The following CAST variants were observed in gnomAD, a reference collection of about 807,000 sequenced individuals.
CAST encodes MIR583 host.
In CAST, 76 loss-of-function variants were observed where a neutral mutation model predicts 119.6. The ratio of observed to expected loss-of-function variants is 0.64; its 90% CI spans 0.53 to 0.77. The LOEUF (loss-of-function observed/expected upper bound fraction) is 0.77, where lower values mean the gene tolerates loss of function less well. Among genes scored for constraint, CAST ranks in the 30% least tolerant of loss-of-function variants. The pLI is 0.00. For synonymous variants in CAST, 319 were observed against 331.6 expected (o/e 0.96, Z 0.41); for missense variants, 953 against 946.5 (o/e 1.01, Z -0.09).
At chr5:96,434,419 G>A in the CAST span, among the ~76,000 whole-genome samples, 2 of 152,188 alleles carry the variant, frequency 1.3e-5, no homozygotes, top group Non-Finnish European at 2.9e-5. Flanking sequence ...GCACCAAGCT[G>A]TTTTCCTTTT....
At position 96,530,466 on chromosome 5, in the gene CAST, A is replaced by G. The variant is rs151249446; in HGVS notation, c.60+586A>G. Among the ~76,000 whole-genome samples, 58 of 152,352 alleles carry G rather than the reference A, an allele frequency of 3.8e-4. 1 individual carries two copies. In the East Asian group the frequency reaches 0.01, roughly 27 times the overall value. On this transcript the variant is annotated intron_variant, in intron 1 of 11. Coordinates refer to the CAST transcript ENST00000505143. ...AAACATTGAAGTGGAAATGTCAAGT[A>G]GGCAATTGGATAAAGAGTCTGGAGT... is the stretch of plus-strand genomic sequence containing the variant.
the CAST span, among the ~76,000 whole-genome samples, chr5:96,515,223 G>T: frequency 2.0e-5 from 3 of 152,044 alleles, no homozygotes; most frequent in East Asian, 1.9e-4. Flanking sequence ...AGCTGATTTT[G>T]TCAACAGGAA....
At chr5:96,372,181 T>A in the CAST span, among the ~76,000 whole-genome samples, 1 of 152,250 alleles carries the variant, frequency 6.6e-6, no homozygotes, top group Non-Finnish European at 1.5e-5. Context: ...AACCCAGGTT[T>A]ATGGGCTGCT....
the CAST span, among the ~76,000 whole-genome samples, chr5:96,416,619 C>T: frequency 2.0e-4 from 30 of 152,156 alleles, no homozygotes; most frequent in African/African-American, 6.8e-4. Context: ...TATCCTAGAA[C>T]AAGTCCCCTA....
At chr5:96,411,241 C>T in the CAST span, among the ~76,000 whole-genome samples, 1 of 152,220 alleles carries the variant, frequency 6.6e-6, no homozygotes, top group Non-Finnish European at 1.5e-5. Context: ...CTTTCTTATG[C>T]AGATTCATAA....
chr5:96,485,965 G>A, the CAST span, among the ~76,000 whole-genome samples: 1 of 152,012 alleles, frequency 6.6e-6, no homozygotes, highest in Non-Finnish European at 1.5e-5. Context: ...ATTGTACCTA[G>A]AGACAACTAC....
intron 2 of CAST, among the ~76,000 whole-genome samples, chr5:96,680,126 G>A (rs987339752): frequency 2.6e-5 from 4 of 151,398 alleles, no homozygotes; most frequent in East Asian, 1.9e-4. Context: ...TGAGGTGGGC[G>A]GATCACAAGG....
At chr5:96,306,404 G>A in the CAST span, among the ~76,000 whole-genome samples, 1 of 151,926 alleles carries the variant, frequency 6.6e-6, no homozygotes, top group South Asian at 2.1e-4. Context: ...CCAACTCCTG[G>A]CCTCACTGAC....
At chr5:96,251,730 A>C in the CAST span, among the ~76,000 whole-genome samples, 1 of 152,130 alleles carries the variant, frequency 6.6e-6, no homozygotes. Flanking sequence ...AAAAGCAATC[A>C]AGGGCCTTGT....
At chr5:96,676,887 T>A (rs935875567) in intron 2 of CAST, among the ~76,000 whole-genome samples, 3 of 151,810 alleles carry the variant, frequency 2.0e-5, no homozygotes, top group Non-Finnish European at 4.4e-5. Flanking sequence ...ACCCCTTCTC[T>A]GCTAAAAATA....
rs34422354 is a variant in CAST at position 96,609,090 on chromosome 5, A to T, written c.61-66449A>T. On this transcript the variant is annotated intron_variant, in intron 1 of 11. Transcript: ENST00000505143. ...AGAAACAGCCTGTCCAGCCTCAGAC[A>T]GACATCACCCTTCTTATTGATCCTT... Among the ~76,000 whole-genome samples, 532 of 152,354 alleles carry T rather than the reference A, an allele frequency of 3.5e-3. 2 individuals are homozygous for T. Among genetic ancestry groups the T allele is most frequent in the South Asian group, 0.016 (75 of 4,828 alleles).
the CAST span, among the ~76,000 whole-genome samples, chr5:96,101,583 A>G: frequency 3.3e-4 from 50 of 152,172 alleles, 2 homozygotes; most frequent in Admixed American, 2.9e-3. Context: ...CACCACCTGT[A>G]CTATTGTTGT....
chr5:96,087,325 C>T, the CAST span, among the ~76,000 whole-genome samples: 2 of 152,176 alleles, frequency 1.3e-5, no homozygotes, highest in African/African-American at 2.4e-5. Flanking sequence ...ATTTTTTACA[C>T]ATTCCACCTA....
the CAST span, among the ~76,000 whole-genome samples, chr5:96,149,275 G>T: frequency 1.3e-5 from 2 of 152,134 alleles, no homozygotes; most frequent in Non-Finnish European, 2.9e-5. Flanking sequence ...GCTGGAGGCC[G>T]AACTCTAAAA....
intron 1 of CAST, among the ~76,000 whole-genome samples, chr5:96,625,766 G>A (rs1013403222): frequency 5.9e-5 from 9 of 152,296 alleles, no homozygotes; most frequent in African/African-American, 1.4e-4. Flanking sequence ...TTGCAGCTTC[G>A]TTGGATGCAC....
chr5:96,642,272 A>G lies in CAST; in HGVS notation c.61-33267A>G, dbSNP rs140334659. The stretch of plus-strand genomic sequence containing the variant: ...GAAAAGGATCATTTCAATCTTATTC[A>G]CAGAACTTGAGATAATGCATGGTAC... On this transcript the variant is annotated intron_variant, in intron 1 of 11. Coordinates refer to the CAST transcript ENST00000505143. 2.7e-3 allele frequency among the ~76,000 whole-genome samples: 409 copies of G among 152,340 alleles called. 7 individuals are homozygous for G. Among genetic ancestry groups the G allele is most frequent in the Middle Eastern group, 0.01 (3 of 294 alleles).
the CAST span, among the ~76,000 whole-genome samples, chr5:96,221,703 A>G: frequency 6.6e-6 from 1 of 152,170 alleles, no homozygotes; most frequent in East Asian, 1.9e-4. Flanking sequence ...ATACATATTC[A>G]ATGCAATCTC....
chr5:96,426,057 G>T, the CAST span: 100 of 693,198 alleles, frequency 1.4e-4, no homozygotes, highest in African/African-American at 1.6e-3. Context: ...TTTGACTACA[G>T]ATTAAACTGG....
At chr5:96,242,803 GTTGAC>G in the CAST span, among the ~76,000 whole-genome samples, 1 of 152,146 alleles carries the variant, frequency 6.6e-6, no homozygotes, top group Non-Finnish European at 1.5e-5. Context: ...ACATTGCCCT[GTTGAC>G]TTGACCATAA....
Sources: gnomAD v4.1 joint callset for allele counts (sites outside exome capture counted in the v4.1 genomes callset) on GRCh38, gnomAD v4.1.1 for gene constraint, MANE v1.5 for transcripts, NCBI Gene and HGNC (gene_info 2026-07-23, HGNC 2026-07-21) for gene names.